Variants in MLC1 observed in about 807,000 individuals in gnomAD.
MLC1 encodes the protein membrane protein MLC1.
MLC1 carries 32 observed loss-of-function variants against 44.7 expected under a neutral mutation model. That is an observed-to-expected ratio of 0.72 (90% CI 0.54 to 0.96). MLC1 has a LOEUF of 0.96. Among genes scored for constraint, MLC1 ranks in the 40% least tolerant of loss-of-function variants. The pLI, the probability that MLC1 is intolerant of heterozygous loss-of-function variation, is 0.00. For synonymous variants in MLC1, 190 were observed against 213.0 expected, an observed-to-expected ratio of 0.89 and a Z score of 0.94; for missense variants, 459 against 492.2, an observed-to-expected ratio of 0.93 and a Z score of 0.64.
intron 5 of MLC1, among the ~76,000 whole-genome samples, chr22:50,079,006 G>A (rs1265125751): frequency 4.6e-5 from 7 of 152,132 alleles, no homozygotes; most frequent in Middle Eastern, 3.4e-3. Context: ...GTCACAGGCC[G>A]GGCGCGGTGG....
At chr22:50,076,967 G>T in intron 6 of MLC1, 55 bp from the exon 7 acceptor site, 4 of 1,597,780 alleles carry the variant, frequency 2.5e-6, no homozygotes, top group Non-Finnish European at 3.4e-6. Context: ...ACTCAGCACT[G>T]CCGCTGGCAT....
chr22:50,082,206 C>T (rs1011250853), intron 3 of MLC1, among the ~76,000 whole-genome samples: 1 of 94,020 alleles, frequency 1.1e-5, no homozygotes, highest in South Asian at 4.3e-4. Context: ...GCATGGGGTC[C>T]GCGGCTTGCG....
rs549250772 is a variant in MLC1, at chr22:50,065,307, G to C, written c.895-1109C>G. 2.6e-5 allele frequency among the ~76,000 whole-genome samples: 4 copies of C among 152,106 alleles called. No individual in the cohort carries two copies. In the South Asian group the frequency reaches 8.3e-4, roughly 31 times the overall value. On this transcript the variant is annotated intron_variant, in intron 10 of 11. Transcript: ENST00000311597. ...GATGGTAAAGGCATGGGCCCCATGT[G>C]GTCTTTGCTCTTCGGTTGTTGAGAC...
chr22:50,082,258 G>T (rs1337540915), intron 3 of MLC1, among the ~76,000 whole-genome samples: 6 of 140,910 alleles, frequency 4.3e-5, no homozygotes, highest in African/African-American at 1.0e-4. Flanking sequence ...GGCCAGAGGG[G>T]CATGGGGTCC....
chr22:50,067,946 T>C (rs957904042), intron 10 of MLC1, among the ~76,000 whole-genome samples: 5 of 147,584 alleles, frequency 3.4e-5, no homozygotes, highest in East Asian at 4.0e-4. Flanking sequence ...AAACCACTTA[T>C]ACTGGAAAAA....
chr22:50,061,565 G>T lies in MLC1; in HGVS notation c.*18C>A, dbSNP rs111797969. On this transcript the variant is annotated 3_prime_UTR_variant, in exon 12 of 12. Coordinates refer to ENST00000311597, the MANE Select transcript of MLC1 (RefSeq NM_015166.4). Reference sequence around the variant, plus strand: ...GGGGCCAGGCTGGGCGCTGCCACCCGGTTTCCGCGTCTGGGGGTCACTGGG... The same window carrying T: ...GGGGCCAGGCTGGGCGCTGCCACCCTGTTTCCGCGTCTGGGGGTCACTGGG... 1.2e-6 allele frequency: 2 copies of T among 1,612,644 alleles called. No individual in the cohort carries two copies. The highest frequency in any genetic ancestry group is 1.7e-6 in the Non-Finnish European group (2 of 1,179,414).
intron 11 of MLC1, 146 bp downstream of exon 11, chr22:50,063,886 CAG>C: frequency 1.2e-6 from 1 of 841,954 alleles, no homozygotes. Flanking sequence ...CCTCCCCCTG[CAG>C]GCCACTCACC....
At chr22:50,069,175 C>A (rs575583489) in intron 9 of MLC1, among the ~76,000 whole-genome samples, 3 of 151,848 alleles carry the variant, frequency 2.0e-5, no homozygotes, top group South Asian at 4.2e-4. Flanking sequence ...TACAGACATG[C>A]GCCACCACAC....
In MLC1 at chr22:50,080,334, C is replaced by G; in HGVS notation, c.321+10G>C. ...CTCCCTGGCAGAGGCTGCCTGCAAGCTAGACTCACCACATTGGCGTTCCTC... is the reference window on the plus strand; with the variant it reads ...CTCCCTGGCAGAGGCTGCCTGCAAGGTAGACTCACCACATTGGCGTTCCTC... On this transcript the variant is annotated intron_variant, in intron 4 of 11. Coordinates refer to ENST00000311597, the MANE Select transcript of MLC1 (RefSeq NM_015166.4). 6.2e-7 allele frequency: 1 copy of G among 1,604,710 alleles called. No homozygotes were observed. The highest frequency in any genetic ancestry group is 8.5e-7 in the Non-Finnish European group (1 of 1,175,638).
Position 50,070,568 on chromosome 22 carries a change from T to C in MLC1, c.730A>G (p.Ile244Val), listed in dbSNP as rs1218490866. The C allele has an allele frequency of 2.6e-6, 4 of 1,564,912 alleles. No individual in the cohort carries two copies. In the Admixed American group the frequency reaches 7.6e-5, roughly 30 times the overall value. The change falls in exon 9 of 12, where the codon ATT becomes GTT. Residue 244 changes from isoleucine (I) to valine (V), a missense_variant. Ile to Val is a conservative substitution (Grantham distance 29, BLOSUM62 3). Transcript: ENST00000311597. ...WILVACFPSA[I>V]ASHVAAECPS... ...CACTCTGCTGCCACATGACTGGCAA[T>C]GGCACTTGGAAAGCACTAAGAGAAA...
chr22:50,084,291 C>T (rs1302556573), intron 2 of MLC1, among the ~76,000 whole-genome samples: 2 of 152,172 alleles, frequency 1.3e-5, no homozygotes, highest in Non-Finnish European at 2.9e-5. Flanking sequence ...CCCCAGCTCC[C>T]TCCCAGCCGG....
intron 3 of MLC1, 67 bp from the exon 4 acceptor site, chr22:50,080,464 A>C: frequency 6.8e-7 from 1 of 1,469,728 alleles, no homozygotes; most frequent in Non-Finnish European, 9.3e-7. Flanking sequence ...GAAATACTCT[A>C]ACATTTGCGC....
chr22:50,065,906 C>T (rs183336387), intron 10 of MLC1, among the ~76,000 whole-genome samples: 29 of 152,294 alleles, frequency 1.9e-4, no homozygotes, highest in African/African-American at 4.8e-4. Flanking sequence ...TAGTAGCAGA[C>T]GGTTGGAAAT....
At chr22:50,074,613 A>G in intron 7 of MLC1, 1 of 444,014 alleles carries the variant, frequency 2.3e-6, no homozygotes. Context: ...TTGACCTGAC[A>G]GTGGTGAGGG....
chr22:50,082,778 C>T (rs1232408005), intron 3 of MLC1, among the ~76,000 whole-genome samples: 11 of 152,174 alleles, frequency 7.2e-5, no homozygotes, highest in Admixed American at 7.2e-4. Flanking sequence ...GATTCTCCTG[C>T]CTCAGCCTCC....
At position 50,074,294 on chromosome 22, in the gene MLC1, C is replaced by G. The variant is rs772974052; in HGVS notation, c.636G>C (p.Gly212=). Residue 212 remains glycine (G), a synonymous_variant, in exon 8 of 12, where the codon GGG becomes GGC. Transcript: ENST00000311597. ...CATCCACGTTCAGGGCAATGATCCC[C>G]CCGAGGACGGCAGAGATGCCTGCGA... ...EVIAGISAVL[G]GIIALNVDDS... The G allele has an allele frequency of 8.7e-6, 14 of 1,614,150 alleles. No individual in the cohort carries two copies. In the South Asian group the frequency reaches 1.4e-4, roughly 16 times the overall value.
At chr22:50,077,594 C>T (rs919679426) in intron 5 of MLC1, 92 bp from the exon 6 acceptor site, 16 of 1,034,262 alleles carry the variant, frequency 1.5e-5, no homozygotes, top group African/African-American at 7.8e-5. Flanking sequence ...GGGCAGGCTG[C>T]GCAGGACTCT....
Position 50,074,215 on chromosome 22 carries a change from C to T in MLC1, c.714+1G>A, listed in dbSNP as rs761620701. 1.1e-5 allele frequency: 18 copies of T among 1,610,832 alleles called. No homozygotes were observed. The highest frequency in any genetic ancestry group is 6.7e-5 in the East Asian group (3 of 44,822). On this transcript the variant is annotated splice_donor_variant, in intron 8 of 11. Coordinates refer to ENST00000311597, the MANE Select transcript of MLC1 (RefSeq NM_015166.4). LOFTEE classifies it high-confidence loss of function. ...GCGGGCGGGCCAGAGGGGTTACTCA[C>T]GGCCACTAGGATCCAAAAGAACGTC...
chr22:50,081,034 A>AAAGAAAGAAAGAAAGG (rs1491260110), intron 3 of MLC1, among the ~76,000 whole-genome samples: 5 of 144,852 alleles, frequency 3.5e-5, no homozygotes, highest in Non-Finnish European at 7.5e-5. Flanking sequence ...AGAAAGAAAG[A>AAAGAAAGAAAGAAAGG]AAGAAAGAAA....
Sources: allele counts gnomAD v4.1 joint callset (sites outside exome capture counted in the v4.1 genomes callset), GRCh38; gene constraint gnomAD v4.1.1; transcripts MANE v1.5; gene names NCBI Gene and HGNC (gene_info 2026-07-23, HGNC 2026-07-21).